KRT19: variants seen among roughly 807,000 people sequenced by gnomAD.
KRT19 encodes the protein keratin 19.
In KRT19, 21 loss-of-function variants were observed where a neutral mutation model predicts 34.6. The observed-to-expected ratio is 0.61, with a 90% confidence interval of 0.43 to 0.87. The LOEUF is 0.87. KRT19 is among the 40% of genes least tolerant of loss of function. KRT19 has a pLI of 0.00. For missense variants in KRT19, 514 were observed against 545.7 expected, an observed-to-expected ratio of 0.94 and a Z score of 0.58; for synonymous variants, 240 against 245.8, an observed-to-expected ratio of 0.98 and a Z score of 0.22.
Position 41,524,934 on chromosome 17 carries a change from A to G in KRT19, c.569T>C (p.Leu190Pro). Residue 190 changes from leucine (L) to proline (P), a missense_variant, in exon 3 of 6, where the codon CTG (leucine) becomes CCG (proline). By Grantham distance (98) the Leu-to-Pro change is moderately conservative. Transcript: ENST00000361566. ...EADINGLRRVLDELTLARTDL... is the reference protein window; with the variant it reads ...EADINGLRRVPDELTLARTDL... Reference sequence around the variant, plus strand: ...GGTCCTGGCCAGGGTCAGCTCATCCAGCACCCTGCGCAGGCCGTTGATGTC... The same window carrying G: ...GGTCCTGGCCAGGGTCAGCTCATCCGGCACCCTGCGCAGGCCGTTGATGTC... The G allele has an allele frequency of 6.2e-7, 1 of 1,614,174 alleles. No individual in the cohort carries two copies. Among genetic ancestry groups the G allele is most frequent in the Non-Finnish European group, 8.5e-7 (1 of 1,180,002 alleles).
chr17:41,527,740 G>T, intron 1 of KRT19, 88 bp downstream of exon 1: 1 of 1,423,280 alleles, frequency 7.0e-7, no homozygotes, highest in Non-Finnish European at 9.4e-7. Context: ...GCTCCTGCCC[G>T]CCGCCCCGCC....
rs745520751 is a variant in KRT19, at chr17:41,524,947, G to C, written c.556C>G (p.Leu186Val). The part of the protein sequence containing the change: ...RMSVEADING[L>V]RRVLDELTLA... ...GTCAGCTCATCCAGCACCCTGCGCA[G>C]GCCGTTGATGTCGGCCTCCACGCTC... The change falls in exon 3 of 6, where the codon CTG becomes GTG. Residue 186 changes from leucine (L) to valine (V), a missense_variant. Leu to Val is a conservative substitution (Grantham distance 32). Transcript: ENST00000361566. The C allele has an allele frequency of 6.2e-7, 1 of 1,614,248 alleles. No homozygotes were observed. Among genetic ancestry groups the C allele is most frequent in the Admixed American group, 1.7e-5 (1 of 60,030 alleles).
At chr17:41,525,147 A>C (rs1597781327) in intron 2 of KRT19, 44 bp downstream of exon 2, 1 of 1,574,474 alleles carries the variant, frequency 6.4e-7, no homozygotes, top group African/African-American at 1.3e-5. Context: ...CCCAACCCCT[A>C]CCCCAGTCCT....
rs539138473 is a variant in KRT19 at position 41,527,831 on chromosome 17, G to A, written c.417C>T (p.Asp139=). 2.5e-5 allele frequency: 40 copies of A among 1,581,084 alleles called. No individual in the cohort carries two copies. In the South Asian group the frequency reaches 3.9e-4, roughly 15 times the overall value. The change falls in exon 1 of 6, where the codon GAC becomes GAT. Residue 139 remains aspartate (D), a synonymous_variant. Coordinates refer to ENST00000361566, the MANE Select transcript of KRT19 (RefSeq NM_002276.5). Reference sequence around the variant, plus strand: ...CCGCGGCCGGGCCTCCGCCCACCTTGTCCCGCAGGTCCTGGATGGTCGTGT... The same window carrying A: ...CCGCGGCCGGGCCTCCGCCCACCTTATCCCGCAGGTCCTGGATGGTCGTGT... ...HYYTTIQDLR[D]KILGATIENS... is the part of the protein sequence containing the mutation.
In KRT19 at chr17:41,523,651, G is replaced by C; in HGVS notation, c.*92C>G. ...CCATAAATTTTTATTGGCAGGTCAG[G>C]AGAAGAGCCGGGGGTAAGGGTCCCT... On this transcript the variant is annotated 3_prime_UTR_variant, in exon 6 of 6. Transcript: ENST00000361566. 7.6e-7 allele frequency: 1 copy of C among 1,317,650 alleles called. No homozygotes were observed. The highest frequency in any genetic ancestry group is 1.1e-6 in the Non-Finnish European group (1 of 944,444). The allele number at this position is 1,317,650 out of a possible 1,614,324, so 81.6% of individuals were successfully genotyped here.
chr17:41,528,199 C>T lies in KRT19; in HGVS notation c.49G>A (p.Gly17Ser), dbSNP rs200777034. The part of the protein sequence containing the change: ...RQSSATSSFG[G>S]LGGGSVRFGP... ...AAACGCACGGAGCCGCCGCCCAGGCCTCCGAAGGACGACGTGGCCGACGAC... is the reference window on the plus strand; with the variant it reads ...AAACGCACGGAGCCGCCGCCCAGGCTTCCGAAGGACGACGTGGCCGACGAC... Residue 17 changes from glycine to serine, a missense_variant, in exon 1 of 6, where the codon GGC (glycine) becomes AGC (serine). Physicochemically the swap from Gly to Ser is moderately conservative, Grantham distance 56. Transcript: ENST00000361566. 20 of 1,585,014 alleles carry T rather than the reference C, an allele frequency of 1.3e-5. No homozygotes were observed. The South Asian group carries it at 2.1e-4, about 17-fold the overall frequency.
Position 41,527,820 on chromosome 17 carries a change from C to A in KRT19, c.420+8G>T, listed in dbSNP as rs763870950. 3 of 1,565,104 alleles carry A rather than the reference C, an allele frequency of 1.9e-6. No homozygotes were observed. The highest frequency in any genetic ancestry group is 2.6e-6 in the Non-Finnish European group (3 of 1,153,412). ...CACTGCACTTCCCGCGGCCGGGCCT[C>A]CGCCCACCTTGTCCCGCAGGTCCTG... On this transcript the variant is annotated splice_region_variant and intron_variant, in intron 1 of 5. Transcript: ENST00000361566.
At chr17:41,526,755 A>G (rs912008027) in intron 1 of KRT19, among the ~76,000 whole-genome samples, 1 of 151,896 alleles carries the variant, frequency 6.6e-6, no homozygotes, top group Admixed American at 6.6e-5. Context: ...TATTTTTAGT[A>G]GAGACAGGAT....
rs1304904738 is a variant in KRT19, at chr17:41,528,305, G to A, written c.-58C>T. ...TCTCAGAAGCTGCGATTCGCGGGAG[G>A]AGCGGCGAGGCCCTCACCTGGCGCC... is the stretch of plus-strand genomic sequence containing the variant. On this transcript the variant is annotated 5_prime_UTR_variant, in exon 1 of 6. Coordinates refer to ENST00000361566, the MANE Select transcript of KRT19 (RefSeq NM_002276.5). The A allele has an allele frequency of 6.8e-7, 1 of 1,472,088 alleles. No homozygotes were observed. Among genetic ancestry groups the A allele is most frequent in the African/African-American group, 1.4e-5 (1 of 70,912 alleles). The allele number at this position is 1,472,088 out of a possible 1,614,324, so 91.2% of individuals were successfully genotyped here.
chr17:41,524,447 T>C lies in KRT19; in HGVS notation c.754A>G (p.Met252Val), dbSNP rs1394543008. ...GCCATGACCTCATATTGGCTTCGCA[T>C]GTCACTCAGGATCTTGGCGAGATCG... ...GTDLAKILSD[M>V]RSQYEVMAEQ... Residue 252 changes from methionine (M) to valine (V), a missense_variant, in exon 4 of 6, where the codon ATG becomes GTG. Transcript: ENST00000361566. The C allele has an allele frequency of 6.2e-7, 1 of 1,614,194 alleles. No individual in the cohort carries two copies. The highest frequency in any genetic ancestry group is 1.3e-5 in the African/African-American group (1 of 75,048).
Position 41,527,773 on chromosome 17 carries a change from G to C in KRT19, c.420+55C>G, listed in dbSNP as rs1905918431. On this transcript the variant is annotated intron_variant, in intron 1 of 5. Coordinates refer to ENST00000361566, the MANE Select transcript of KRT19 (RefSeq NM_002276.5). ...GCCTGGAACCTCGCCCGGCCCGCGGGGCTGGGTTTCCGCGGCAGGTGCACT... is the reference window on the plus strand; with the variant it reads ...GCCTGGAACCTCGCCCGGCCCGCGGCGCTGGGTTTCCGCGGCAGGTGCACT... 8 of 1,508,622 alleles carry C rather than the reference G, an allele frequency of 5.3e-6. 1 individual carries two copies. In the South Asian group the frequency reaches 1.1e-4, roughly 20 times the overall value. The allele number at this position is 1,508,622 out of a possible 1,614,324, so 93.5% of individuals were successfully genotyped here.
rs776581437 is a variant in KRT19, at chr17:41,523,938, C to T, written c.1008G>A (p.Ala336=). The change falls in exon 6 of 6, where the codon GCG becomes GCA. Residue 336 remains alanine (A), a synonymous_variant. Transcript: ENST00000361566. ...TACCGCTGATCAGCGCCTGGATATG[C>T]GCCAGCTGGGCTCCAAAGCGCGCCT... ...ETEARFGAQL[A]HIQALISGIE... 1.7e-5 allele frequency: 27 copies of T among 1,613,758 alleles called. No homozygotes were observed. In the East Asian group the frequency reaches 4.5e-4, roughly 27 times the overall value.
intron 1 of KRT19, chr17:41,525,586 A>C: frequency 1.3e-5 from 4 of 315,870 alleles, no homozygotes; most frequent in Non-Finnish European, 1.8e-5. Flanking sequence ...GGGTCTATAA[A>C]CCAGATGGGG....
intron 1 of KRT19, among the ~76,000 whole-genome samples, chr17:41,527,260 C>A (rs1426893029): frequency 2.6e-5 from 4 of 152,226 alleles, no homozygotes; most frequent in Admixed American, 2.6e-4. Context: ...CCACGACCGG[C>A]TCTCCCATTC....
chr17:41,527,541 C>G (rs901670869), intron 1 of KRT19, among the ~76,000 whole-genome samples: 2 of 152,244 alleles, frequency 1.3e-5, no homozygotes, highest in African/African-American at 4.8e-5. Context: ...GACCCGCGTC[C>G]CTTCTTCGTC....
At chr17:41,525,692 G>A (rs1310774872) in intron 1 of KRT19, 1 of 196,220 alleles carries the variant, frequency 5.1e-6, no homozygotes, top group Non-Finnish European at 1.0e-5. Context: ...TTATGTGCCA[G>A]GCACTTTGAA....
intron 1 of KRT19, among the ~76,000 whole-genome samples, chr17:41,526,338 T>C (rs911878480): frequency 1.3e-5 from 2 of 152,084 alleles, no homozygotes; most frequent in African/African-American, 4.8e-5. Flanking sequence ...TCTCTTAGTA[T>C]GGTGAGAATT....
chr17:41,527,393 G>A (rs970423447), intron 1 of KRT19, among the ~76,000 whole-genome samples: 3 of 152,220 alleles, frequency 2.0e-5, no homozygotes, highest in Non-Finnish European at 2.9e-5. Context: ...CGGTGGCAGA[G>A]GGGGCAAGAC....
At chr17:41,526,307 T>C (rs1905860262) in intron 1 of KRT19, among the ~76,000 whole-genome samples, 1 of 152,064 alleles carries the variant, frequency 6.6e-6, no homozygotes, top group South Asian at 2.1e-4. Flanking sequence ...CAGAATAGGC[T>C]ACAAAATATC....
Sources: gnomAD v4.1 joint callset for allele counts (sites outside exome capture counted in the v4.1 genomes callset) on GRCh38, gnomAD v4.1.1 for gene constraint, MANE v1.5 for transcripts, NCBI Gene and HGNC (gene_info 2026-07-23, HGNC 2026-07-21) for gene names.